Variants in BTBD9 observed in about 807,000 individuals in gnomAD.
BTBD9 encodes BTB/POZ domain-containing protein 9.
BTBD9 carries 49 observed loss-of-function variants against 64.3 expected under a neutral mutation model. The observed-to-expected ratio is 0.76, with a 90% CI of 0.61 to 0.97. The LOEUF (loss-of-function observed/expected upper bound fraction) is 0.97. BTBD9 is among the 50% of genes least tolerant of loss of function. The probability of loss-of-function intolerance (pLI) is 0.00; values close to 1 mark genes in which losing one functional copy is unlikely to be tolerated. For missense variants in BTBD9, 598 were observed against 762.1 expected (o/e 0.78, Z 2.53); for synonymous variants, 260 against 274.7 (o/e 0.95, Z 0.53).
At chr6:38,233,469 T>C (rs1185003299) in intron 9 of BTBD9, among the ~76,000 whole-genome samples, 1 of 152,204 alleles carries the variant, frequency 6.6e-6, no homozygotes, top group Non-Finnish European at 1.5e-5. Flanking sequence ...TGCGGTATTC[T>C]GGAAAGAGCA....
chr6:38,544,820 G>A (rs556945664), intron 6 of BTBD9, among the ~76,000 whole-genome samples: 3 of 150,884 alleles, frequency 2.0e-5, no homozygotes, highest in African/African-American at 7.3e-5. Flanking sequence ...CCAGCTAGTT[G>A]GGAGGCTAAG....
intron 6 of BTBD9, among the ~76,000 whole-genome samples, chr6:38,446,627 T>C (rs1410608721): frequency 6.6e-6 from 1 of 152,186 alleles, no homozygotes; most frequent in East Asian, 1.9e-4. Flanking sequence ...ATTTATTGAG[T>C]GGTAACTCTA....
chr6:38,374,312 T>TATATATATATATAC (rs1435595030), intron 6 of BTBD9, among the ~76,000 whole-genome samples: 10 of 117,242 alleles, frequency 8.5e-5, no homozygotes, highest in South Asian at 2.7e-4. Flanking sequence ...TATATGTATA[T>TATATATATATATAC]ATATATATAT....
At chr6:38,336,004 G>A (rs915501864) in intron 7 of BTBD9, among the ~76,000 whole-genome samples, 6 of 152,178 alleles carry the variant, frequency 3.9e-5, no homozygotes, top group African/African-American at 1.4e-4. Context: ...CCAAACTGCT[G>A]TGATTACAGG....
intron 9 of BTBD9, among the ~76,000 whole-genome samples, chr6:38,228,347 C>CG (rs1312495347): frequency 2.9e-5 from 2 of 69,564 alleles, no homozygotes; most frequent in East Asian, 2.8e-4. Context: ...CCTGTCCCCC[C>CG]CCCCAAAAAA....
intron 7 of BTBD9, among the ~76,000 whole-genome samples, chr6:38,303,481 A>G (rs1411183839): frequency 6.6e-6 from 1 of 152,114 alleles, no homozygotes; most frequent in East Asian, 1.9e-4. Flanking sequence ...AAAGATGGTA[A>G]GCCTCTGAAA....
rs1042631865 is a variant in BTBD9, at chr6:38,171,240, A to G, written c.*3745T>C. The G allele has an allele frequency of 6.6e-6, 1 of 152,222 alleles. No individual in the cohort carries two copies. The highest frequency in any genetic ancestry group is 6.5e-5 in the Admixed American group (1 of 15,276). 9.4% of individuals were successfully genotyped at this position (152,222 alleles called of 1,614,324 possible). A position where few individuals can be genotyped will look rare whatever the true frequency, so the allele number is the denominator to read the frequency against. On this transcript the variant is annotated 3_prime_UTR_variant, in exon 11 of 11. Transcript: ENST00000481247. Reference sequence around the variant, plus strand: ...TTGACTGGGCTGGAGCCATCTGCACAGCAGTTTGACAACTGGGGCGACAGC... The same window carrying G: ...TTGACTGGGCTGGAGCCATCTGCACGGCAGTTTGACAACTGGGGCGACAGC...
intron 6 of BTBD9, among the ~76,000 whole-genome samples, chr6:38,503,273 C>A (rs1433216527): frequency 1.3e-5 from 2 of 152,120 alleles, no homozygotes; most frequent in Non-Finnish European, 2.9e-5. Flanking sequence ...AGAGGAGGGG[C>A]AGCCTCTAGC....
intron 8 of BTBD9, among the ~76,000 whole-genome samples, chr6:38,280,665 C>T (rs547558433): frequency 2.0e-5 from 3 of 152,138 alleles, no homozygotes; most frequent in African/African-American, 7.2e-5. Flanking sequence ...GAAATGGAAG[C>T]GGCATGGAAC....
intron 6 of BTBD9, among the ~76,000 whole-genome samples, chr6:38,510,120 C>G (rs1353727618): frequency 6.6e-6 from 1 of 152,244 alleles, no homozygotes; most frequent in African/African-American, 2.4e-5. Context: ...TTTTCACATA[C>G]TGTCATGCTT....
chr6:38,579,202 C>T (rs1776183349), intron 5 of BTBD9, among the ~76,000 whole-genome samples: 1 of 152,330 alleles, frequency 6.6e-6, no homozygotes, highest in Admixed American at 6.5e-5. Context: ...AATGCTGACT[C>T]ACACTTCATA....
chr6:38,578,293 G>A (rs1269822859), intron 5 of BTBD9, among the ~76,000 whole-genome samples: 2 of 152,120 alleles, frequency 1.3e-5, no homozygotes, highest in Non-Finnish European at 2.9e-5. Context: ...AATGACACCA[G>A]TCAAGAGATA....
chr6:38,330,554 C>T (rs1377863136), intron 7 of BTBD9, among the ~76,000 whole-genome samples: 3 of 151,904 alleles, frequency 2.0e-5, no homozygotes, highest in South Asian at 4.2e-4. Flanking sequence ...TTATTAGAGA[C>T]GCCATCTCTA....
chr6:38,395,449 T>C (rs1390429465), intron 6 of BTBD9, among the ~76,000 whole-genome samples: 1 of 152,128 alleles, frequency 6.6e-6, no homozygotes, highest in Non-Finnish European at 1.5e-5. Context: ...TTGTCCCTTC[T>C]GTCATGTGAG....
At chr6:38,372,203 T>C (rs1216011771) in intron 6 of BTBD9, among the ~76,000 whole-genome samples, 1 of 152,228 alleles carries the variant, frequency 6.6e-6, no homozygotes. Flanking sequence ...AGCTCACTCA[T>C]AAACCAAAAT....
intron 6 of BTBD9, among the ~76,000 whole-genome samples, chr6:38,526,476 C>A (rs1036824774): frequency 9.2e-5 from 14 of 152,338 alleles, no homozygotes; most frequent in African/African-American, 2.6e-4. Flanking sequence ...TACATGGAGT[C>A]CCCACTGGGG....
At chr6:38,329,576 G>A (rs927711612) in intron 7 of BTBD9, among the ~76,000 whole-genome samples, 1 of 152,146 alleles carries the variant, frequency 6.6e-6, no homozygotes, top group South Asian at 2.1e-4. Flanking sequence ...GCCCGATTTG[G>A]CCTCCCAAAG....
chr6:38,531,359 A>G (rs1773793488), intron 6 of BTBD9, among the ~76,000 whole-genome samples: 1 of 152,244 alleles, frequency 6.6e-6, no homozygotes, highest in Non-Finnish European at 1.5e-5. Flanking sequence ...TCATTCAAAC[A>G]TGAAGGAGAA....
intron 1 of BTBD9, among the ~76,000 whole-genome samples, chr6:38,602,689 T>C (rs1269244350): frequency 6.6e-6 from 1 of 151,798 alleles, no homozygotes; most frequent in Non-Finnish European, 1.5e-5. Flanking sequence ...CAAAATAAAT[T>C]GCTTTGTTTG....
Sources: allele counts gnomAD v4.1 joint callset (sites outside exome capture counted in the v4.1 genomes callset), GRCh38; gene constraint gnomAD v4.1.1; transcripts MANE v1.5; gene names NCBI Gene and HGNC (gene_info 2026-07-23, HGNC 2026-07-21).